PCDHGA3: variants seen among roughly 807,000 people sequenced by gnomAD.
PCDHGA3 encodes the protein protocadherin gamma subfamily A, 3.
In PCDHGA3, 40 loss-of-function variants were observed where a neutral mutation model predicts 58.5. The ratio of observed to expected loss-of-function variants is 0.68; its 90% CI spans 0.53 to 0.89. The LOEUF is 0.89. Ranked by LOEUF, PCDHGA3 falls within the 40% of genes least tolerant of loss-of-function variation. The pLI, the probability that PCDHGA3 is intolerant of heterozygous loss-of-function variation, is 0.00. For synonymous variants in PCDHGA3, 530 were observed against 525.7 expected, an observed-to-expected ratio of 1.01 and a Z score of -0.11; for missense variants, 1,223 against 1,195.9, an observed-to-expected ratio of 1.02 and a Z score of -0.33.
At chr5:141,418,026 T>A (rs2154547454) in intron 1 of PCDHGA3, 1 of 1,613,962 alleles carries the variant, frequency 6.2e-7, no homozygotes, top group East Asian at 2.2e-5. Context: ...GATCTAGGGC[T>A]TAGTGTCCTG....
chr5:141,364,059 A>G (rs951709303), intron 1 of PCDHGA3, among the ~76,000 whole-genome samples: 1 of 152,254 alleles, frequency 6.6e-6, no homozygotes, highest in African/African-American at 2.4e-5. Flanking sequence ...AAATAAAATT[A>G]TAACTAAACT....
In PCDHGA3 at chr5:141,384,156, C is replaced by A. The variant is rs760709557; in HGVS notation, c.2424+37699C>A. The A allele has an allele frequency of 1.9e-6, 3 of 1,613,342 alleles. No individual in the cohort carries two copies. In the African/African-American group the frequency reaches 4.0e-5, roughly 22 times the overall value. On this transcript the variant is annotated intron_variant, in intron 1 of 3. Transcript: ENST00000253812. ...ACCGGGAAACACTCTCTTTGTATAACATCACACTGAAAGCCACAGATGGTG... is the reference window on the plus strand; with the variant it reads ...ACCGGGAAACACTCTCTTTGTATAAAATCACACTGAAAGCCACAGATGGTG...
intron 1 of PCDHGA3, chr5:141,355,958 AGAACGTTCCTGTAG>A: frequency 3.7e-6 from 6 of 1,613,948 alleles, no homozygotes; most frequent in Non-Finnish European, 5.1e-6. Context: ...AGTGTTCGTG[AGAACGTTCCTGTAG>A]GCACTCGGCT....
At position 141,431,248 on chromosome 5, in the gene PCDHGA3, G is replaced by T. The variant is rs1213088915; in HGVS notation, c.2425-63559G>T. ...CCCACGCCTGGGATCCGGATATCGG[G>T]AAGAACTCTCTGCAGAGCTACGAGC... On this transcript the variant is annotated intron_variant, in intron 1 of 3. Coordinates refer to ENST00000253812, the MANE Select transcript of PCDHGA3 (RefSeq NM_018916.4). The surrounding 1 kb of genome is among the most constrained non-coding windows in gnomAD (Gnocchi z 4.8). 6.2e-7 allele frequency: 1 copy of T among 1,614,022 alleles called. No individual in the cohort carries two copies. The highest frequency in any genetic ancestry group is 8.5e-7 in the Non-Finnish European group (1 of 1,180,056).
At chr5:141,381,761 A>G (rs1777413345) in intron 1 of PCDHGA3, among the ~76,000 whole-genome samples, 1 of 150,538 alleles carries the variant, frequency 6.6e-6, no homozygotes, top group Non-Finnish European at 1.5e-5. Flanking sequence ...TTCTACTACT[A>G]TATAATCAAT....
intron 1 of PCDHGA3, chr5:141,478,819 C>G (rs927315523): frequency 2.1e-6 from 3 of 1,447,842 alleles, no homozygotes; most frequent in Non-Finnish European, 2.7e-6. Context: ...CACAACTAAC[C>G]AATCTTGCTA....
Position 141,485,631 on chromosome 5 carries a change from C to T in PCDHGA3, c.2425-9176C>T. 6.2e-7 allele frequency: 1 copy of T among 1,611,764 alleles called. No homozygotes were observed. The highest frequency in any genetic ancestry group is 8.5e-7 in the Non-Finnish European group (1 of 1,178,360). Reference sequence around the variant, plus strand: ...GCAGCTCCTCCAGGACAGCGTTTCCCGTTGGAAAAGGCTCAGGATGCAGAT... The same window carrying T: ...GCAGCTCCTCCAGGACAGCGTTTCCTGTTGGAAAAGGCTCAGGATGCAGAT... On this transcript the variant is annotated intron_variant, in intron 1 of 3. Coordinates refer to ENST00000253812, the MANE Select transcript of PCDHGA3 (RefSeq NM_018916.4). The surrounding 1 kb of genome is among the most constrained non-coding windows in gnomAD (Gnocchi z 5.7).
At chr5:141,362,573 T>A in intron 1 of PCDHGA3, 1 of 1,605,780 alleles carries the variant, frequency 6.2e-7, no homozygotes, top group South Asian at 1.1e-5. Flanking sequence ...TTTAATTAAT[T>A]TATTTTCACT....
intron 1 of PCDHGA3, chr5:141,372,050 G>A: frequency 6.2e-7 from 1 of 1,613,506 alleles, no homozygotes; most frequent in Non-Finnish European, 8.5e-7. Context: ...GCGTGTTGGT[G>A]GACGACCGCA....
In PCDHGA3 at chr5:141,419,425, C is replaced by T. The variant is rs3749766; in HGVS notation, c.2424+72968C>T. Reference sequence around the variant, plus strand: ...TGTTCGCGCAGCGCGCCTTCGACCACGAGCAGCTGCGCACCTTCGAGCTCA... The same window carrying T: ...TGTTCGCGCAGCGCGCCTTCGACCATGAGCAGCTGCGCACCTTCGAGCTCA... On this transcript the variant is annotated intron_variant, in intron 1 of 3. Transcript: ENST00000253812. 284 of 1,613,316 alleles carry T rather than the reference C, an allele frequency of 1.8e-4. 1 individual carries two copies. The East Asian group carries it at 5.9e-3, about 34-fold the overall frequency.
At chr5:141,498,947 AAAAG>A (rs1475471777) in intron 2 of PCDHGA3, among the ~76,000 whole-genome samples, 1 of 145,446 alleles carries the variant, frequency 6.9e-6, no homozygotes, top group African/African-American at 2.6e-5. Context: ...GAAAGAAAGA[AAAAG>A]AGAGAGAGGG....
rs752796935 is a variant in PCDHGA3, at chr5:141,399,900, C to T, written c.2424+53443C>T. ...TGGTGACCAAGGTAGTGGCCGTGGACGCAGACTCAGGACACAACGCCTGGC... is the reference window on the plus strand; with the variant it reads ...TGGTGACCAAGGTAGTGGCCGTGGATGCAGACTCAGGACACAACGCCTGGC... On this transcript the variant is annotated intron_variant, in intron 1 of 3. Coordinates refer to ENST00000253812, the MANE Select transcript of PCDHGA3 (RefSeq NM_018916.4). The T allele has an allele frequency of 7.4e-6, 12 of 1,612,414 alleles. 1 individual carries two copies. In the South Asian group the frequency reaches 9.9e-5, roughly 13 times the overall value.
chr5:141,374,365 G>C, intron 1 of PCDHGA3: 1 of 1,614,054 alleles, frequency 6.2e-7, no homozygotes, highest in Non-Finnish European at 8.5e-7. Flanking sequence ...ACCGCGAGGA[G>C]CTCTGTGCTC....
intron 1 of PCDHGA3, chr5:141,360,866 A>T: frequency 6.2e-7 from 1 of 1,614,058 alleles, no homozygotes; most frequent in Non-Finnish European, 8.5e-7. Flanking sequence ...GTGTTCAGCC[A>T]GGACGTGTAC....
chr5:141,375,865 G>A (rs1588782771), intron 1 of PCDHGA3: 1 of 1,613,976 alleles, frequency 6.2e-7, no homozygotes, highest in Non-Finnish European at 8.5e-7. Context: ...TGGTGGCGGT[G>A]GACAGAGACT....
At chr5:141,385,369 G>A in intron 1 of PCDHGA3, 1 of 1,532,174 alleles carries the variant, frequency 6.5e-7, no homozygotes, top group East Asian at 2.3e-5. Flanking sequence ...TTATTTGCAT[G>A]ATATTTCTCT....
chr5:141,412,569 T>C (rs1469611879), intron 1 of PCDHGA3: 3 of 152,228 alleles, frequency 2.0e-5, no homozygotes, highest in Admixed American at 6.5e-5. Flanking sequence ...GTTTATTTAA[T>C]ATAATCTTTG....
At position 141,409,955 on chromosome 5, in the gene PCDHGA3, G is replaced by A. The variant is rs946959934; in HGVS notation, c.2424+63498G>A. On this transcript the variant is annotated intron_variant, in intron 1 of 3. Coordinates refer to ENST00000253812, the MANE Select transcript of PCDHGA3 (RefSeq NM_018916.4). ...TATGGTACCTCGCTCTGCAGAGCCC[G>A]GCTACCTAGTGACTAAGGTGGTAGC... is the stretch of plus-strand genomic sequence containing the variant. The A allele has an allele frequency of 2.8e-5, 45 of 1,613,234 alleles. No individual in the cohort carries two copies. The highest frequency in any genetic ancestry group is 3.6e-5 in the Non-Finnish European group (42 of 1,179,814).
intron 1 of PCDHGA3, chr5:141,403,576 C>T (rs976638680): frequency 1.9e-6 from 3 of 1,613,946 alleles, no homozygotes; most frequent in Non-Finnish European, 2.5e-6. Context: ...CAACTGCCCA[C>T]CACCTGGTCC....
Sources: allele counts gnomAD v4.1 joint callset (sites outside exome capture counted in the v4.1 genomes callset), GRCh38; gene constraint gnomAD v4.1.1; non-coding constraint Gnocchi (gnomAD v3.1); transcripts MANE v1.5; gene names NCBI Gene and HGNC (gene_info 2026-07-23, HGNC 2026-07-21).